Variants in RBMS3 observed in about 807,000 individuals in gnomAD.
RBMS3 encodes the protein RNA-binding motif, single-stranded-interacting protein 3.
RBMS3 carries 27 observed loss-of-function variants against 66.8 expected under a neutral mutation model. That is an observed-to-expected ratio of 0.40 (90% CI 0.30 to 0.56). The LOEUF is 0.56. Ranked by LOEUF, RBMS3 falls within the 20% of genes least tolerant of loss-of-function variation. RBMS3 has a pLI of 0.40. For missense variants in RBMS3, 513 were observed against 549.5 expected (o/e 0.93, Z 0.66); for synonymous variants, 188 against 183.0 (o/e 1.03, Z -0.22).
intron 1 of RBMS3, among the ~76,000 whole-genome samples, chr3:29,393,445 A>G (rs1002107690): frequency 2.6e-5 from 4 of 152,068 alleles, no homozygotes; most frequent in African/African-American, 9.7e-5. Context: ...CACACACACA[A>G]TTAATTAATT....
intron 4 of RBMS3, among the ~76,000 whole-genome samples, chr3:29,604,076 A>G (rs1264454227): frequency 2.0e-5 from 3 of 151,986 alleles, no homozygotes; most frequent in Non-Finnish European, 4.4e-5. Context: ...TTTTGCTACA[A>G]TAAAGAATTA....
At chr3:29,384,786 ATCC>A (rs2038934354) in intron 1 of RBMS3, among the ~76,000 whole-genome samples, 3 of 152,232 alleles carry the variant, frequency 2.0e-5, no homozygotes, top group South Asian at 4.1e-4. Context: ...CGCATAAAGC[ATCC>A]TCACTCCCTG....
At chr3:29,835,290 A>C (rs1221465871) in intron 6 of RBMS3, among the ~76,000 whole-genome samples, 2 of 152,036 alleles carry the variant, frequency 1.3e-5, no homozygotes, top group African/African-American at 4.8e-5. Context: ...AAATGAACCT[A>C]GCAGACATAC....
At chr3:29,886,479 T>G (rs1042596606) in intron 8 of RBMS3, among the ~76,000 whole-genome samples, 17 of 151,838 alleles carry the variant, frequency 1.1e-4, no homozygotes, top group African/African-American at 4.1e-4. Flanking sequence ...GCATAGATTA[T>G]CCAGGATGAC....
chr3:29,762,924 A>G lies in RBMS3; in HGVS notation c.572A>G (p.Glu191Gly). The G allele has an allele frequency of 6.2e-7, 1 of 1,607,658 alleles. No homozygotes were observed. Among genetic ancestry groups the G allele is most frequent in the Non-Finnish European group, 8.5e-7 (1 of 1,175,958 alleles). The change falls in exon 6 of 15, where the codon GAA becomes GGA. Residue 191 changes from glutamate to glycine, a missense_variant. Glu to Gly is a moderately conservative substitution (Grantham distance 98). Coordinates refer to ENST00000383767, the MANE Select transcript of RBMS3 (RefSeq NM_001003793.3). ...TTTTTTCCCAGAATGGAGTCTACTG[A>G]AAAATGTGAAGTGGTAATTCAACAT... ...GVGFARMEST[E>G]KCEVVIQHFN...
chr3:29,741,056 A>G (rs1315544937), intron 5 of RBMS3, among the ~76,000 whole-genome samples: 2 of 151,734 alleles, frequency 1.3e-5, no homozygotes, highest in Admixed American at 1.3e-4. Context: ...AAAAAAAAAA[A>G]GAAAAACCAT....
At chr3:29,602,891 C>T (rs1005800993) in intron 4 of RBMS3, among the ~76,000 whole-genome samples, 123 of 152,124 alleles carry the variant, frequency 8.1e-4, no homozygotes, top group African/African-American at 2.9e-3. Context: ...CACATGTTGT[C>T]TCCCTCAGGC....
chr3:29,742,359 G>C (rs1325331180), intron 5 of RBMS3, among the ~76,000 whole-genome samples: 1 of 152,004 alleles, frequency 6.6e-6, no homozygotes, highest in Admixed American at 6.5e-5. Context: ...ATCATGTCAG[G>C]GTCCTGCTTA....
chr3:29,478,543 T>C (rs1002653399), intron 2 of RBMS3, among the ~76,000 whole-genome samples: 2 of 152,166 alleles, frequency 1.3e-5, no homozygotes, highest in Non-Finnish European at 2.9e-5. Context: ...AACAGATGAA[T>C]TTTGGGAAAA....
chr3:29,597,869 C>A (rs963806580), intron 4 of RBMS3, among the ~76,000 whole-genome samples: 2 of 152,000 alleles, frequency 1.3e-5, no homozygotes, highest in Admixed American at 6.6e-5. Context: ...GCCTAAGGAT[C>A]CATTTGGAAA....
intron 6 of RBMS3, among the ~76,000 whole-genome samples, chr3:29,864,638 G>A (rs982734537): frequency 6.6e-6 from 1 of 152,122 alleles, no homozygotes; most frequent in African/African-American, 2.4e-5. Flanking sequence ...GTTGGGAACT[G>A]GGAAGTGGCT....
intron 4 of RBMS3, among the ~76,000 whole-genome samples, chr3:29,662,445 A>G (rs2050589478): frequency 6.6e-6 from 1 of 152,198 alleles, no homozygotes; most frequent in African/African-American, 2.4e-5. Context: ...TTTCAACTGT[A>G]TGTAGTAGAA....
At chr3:29,385,364 G>A (rs2038967890) in intron 1 of RBMS3, among the ~76,000 whole-genome samples, 1 of 151,924 alleles carries the variant, frequency 6.6e-6, no homozygotes, top group Admixed American at 6.6e-5. Context: ...CCCTTCCCTT[G>A]GGCCCTCTGG....
rs1296508378 is a variant in RBMS3, at chr3:29,655,235, CAT to C, written c.399+68031_399+68032del. Among the ~76,000 whole-genome samples, 3 of 152,144 alleles carry C rather than the reference CAT, an allele frequency of 2.0e-5. No homozygotes were observed. In the South Asian group the frequency reaches 6.2e-4, roughly 32 times the overall value. ...TGTGAATACTAAGTGGCATTTGAAT[CAT>C]GTGTGCTTTCATGGAAAGAGAGCTG... On this transcript the variant is annotated intron_variant, in intron 4 of 14. Coordinates refer to ENST00000383767, the MANE Select transcript of RBMS3 (RefSeq NM_001003793.3).
chr3:29,408,567 TG>T (rs1459663346), intron 1 of RBMS3, among the ~76,000 whole-genome samples: 1 of 152,168 alleles, frequency 6.6e-6, no homozygotes, highest in Non-Finnish European at 1.5e-5. Flanking sequence ...TAAATTACCC[TG>T]TACTTTTAGG....
At chr3:29,821,986 A>T (rs1003837993) in intron 6 of RBMS3, among the ~76,000 whole-genome samples, 8 of 152,180 alleles carry the variant, frequency 5.3e-5, no homozygotes, top group Admixed American at 3.3e-4. Context: ...ACTAATTCCT[A>T]GGGAGCATTA....
At chr3:29,372,788 G>A (rs1013653038) in intron 1 of RBMS3, among the ~76,000 whole-genome samples, 1 of 150,738 alleles carries the variant, frequency 6.6e-6, no homozygotes, top group Admixed American at 6.6e-5. Flanking sequence ...ATGGAAAAAG[G>A]ACAAAAAGAT....
intron 4 of RBMS3, among the ~76,000 whole-genome samples, chr3:29,675,460 G>C (rs908024123): frequency 6.6e-6 from 1 of 151,968 alleles, no homozygotes; most frequent in Non-Finnish European, 1.5e-5. Context: ...TTCTGCACAG[G>C]AAAAGAAACT....
At chr3:29,323,563 A>C (rs186105213) in intron 1 of RBMS3, among the ~76,000 whole-genome samples, 20 of 152,170 alleles carry the variant, frequency 1.3e-4, no homozygotes, top group Admixed American at 7.2e-4. Context: ...TAGTAAAATT[A>C]ACAGTAGAAA....
Sources: gnomAD v4.1 joint callset for allele counts (sites outside exome capture counted in the v4.1 genomes callset) on GRCh38, gnomAD v4.1.1 for gene constraint, MANE v1.5 for transcripts, NCBI Gene and HGNC (gene_info 2026-07-23, HGNC 2026-07-21) for gene names.